The following WNT9A variants were observed in gnomAD, a reference collection of about 807,000 sequenced individuals.
WNT9A encodes protein Wnt-9a.
In WNT9A, 8 loss-of-function variants were observed where a neutral mutation model predicts 31.4. That is an observed-to-expected ratio of 0.26 (90% CI 0.15 to 0.46). WNT9A has a LOEUF of 0.46. Ranked by LOEUF, WNT9A falls within the 20% of genes least tolerant of loss-of-function variation. The probability of loss-of-function intolerance (pLI) is 0.99; values close to 1 mark genes in which losing one functional copy is unlikely to be tolerated. For synonymous variants in WNT9A, 236 were observed against 220.1 expected, an observed-to-expected ratio of 1.07 and a Z score of -0.64; for missense variants, 457 against 522.9, an observed-to-expected ratio of 0.87 and a Z score of 1.23.
At chr1:227,924,877 C>T (rs1303168918) in intron 2 of WNT9A, among the ~76,000 whole-genome samples, 1 of 152,130 alleles carries the variant, frequency 6.6e-6, no homozygotes, top group Non-Finnish European at 1.5e-5. Flanking sequence ...GGGAGGGTGG[C>T]TGAAATAAGG....
At chr1:227,927,623 G>A (rs1666440958) in intron 1 of WNT9A, among the ~76,000 whole-genome samples, 1 of 152,148 alleles carries the variant, frequency 6.6e-6, no homozygotes, top group Non-Finnish European at 1.5e-5. Context: ...GCAGGCGGGG[G>A]AGTAAGGCCA....
intron 1 of WNT9A, among the ~76,000 whole-genome samples, chr1:227,945,252 C>T (rs1368826724): frequency 3.7e-4 from 57 of 152,232 alleles, no homozygotes; most frequent in Non-Finnish European, 1.5e-5. Flanking sequence ...CTCGGGCTGG[C>T]CTCCCTGCTT....
Position 227,921,672 on chromosome 1 carries a change from C to A in WNT9A, c.944G>T (p.Arg315Leu), listed in dbSNP as rs147478091. 4 of 1,613,284 alleles carry A rather than the reference C, an allele frequency of 2.5e-6. No individual in the cohort carries two copies. Among genetic ancestry groups the A allele is most frequent in the Non-Finnish European group, 3.4e-6 (4 of 1,179,986 alleles). Residue 315 changes from arginine to leucine, a missense_variant, in exon 4 of 4, where the codon CGT becomes CTT. By Grantham distance (102) the Arg-to-Leu change is moderately radical (BLOSUM62 -2). Transcript: ENST00000272164. ...SPGTAGRRCH[R>L]EKNCESICCG... ...GCAGATGCTCTCGCAGTTCTTCTCA[C>A]GGTGGCACCTACGGCCAGCGGTGCC... is the stretch of plus-strand genomic sequence containing the variant.
At chr1:227,935,852 C>A (rs1459453739) in intron 1 of WNT9A, among the ~76,000 whole-genome samples, 1 of 152,200 alleles carries the variant, frequency 6.6e-6, no homozygotes, top group African/African-American at 2.4e-5. Context: ...CTGTGACCTA[C>A]CTAAGCCTGA....
chr1:227,937,258 G>T (rs1449970531), intron 1 of WNT9A, among the ~76,000 whole-genome samples: 1 of 152,210 alleles, frequency 6.6e-6, no homozygotes, highest in Non-Finnish European at 1.5e-5. Context: ...ACTCAGCACC[G>T]CTGCTCCGCT....
At chr1:227,941,174 G>A (rs998919343) in intron 1 of WNT9A, among the ~76,000 whole-genome samples, 4 of 152,192 alleles carry the variant, frequency 2.6e-5, no homozygotes, top group African/African-American at 7.2e-5. Flanking sequence ...TGTAGGACCC[G>A]GGGCTGGGCT....
chr1:227,937,564 A>G (rs1450389699), intron 1 of WNT9A, among the ~76,000 whole-genome samples: 2 of 152,252 alleles, frequency 1.3e-5, no homozygotes, highest in Non-Finnish European at 2.9e-5. Flanking sequence ...GGCTGTCCTT[A>G]TAAGAAAAAG....
In WNT9A at chr1:227,921,288, C is replaced by T; in HGVS notation, c.*230G>A. The T allele has an allele frequency of 9.5e-6, 6 of 628,840 alleles. No homozygotes were observed. In the South Asian group the frequency reaches 1.3e-4, roughly 14 times the overall value. The allele number at this position is 628,840 out of a possible 1,614,324, so 39.0% of individuals were successfully genotyped here. ...AGGCCCATTCATGCTCTGTGCAATGCCTGCACCCCATGCAGCTAGGACTGA... is the reference window on the plus strand; with the variant it reads ...AGGCCCATTCATGCTCTGTGCAATGTCTGCACCCCATGCAGCTAGGACTGA... On this transcript the variant is annotated 3_prime_UTR_variant, in exon 4 of 4. Coordinates refer to ENST00000272164, the MANE Select transcript of WNT9A (RefSeq NM_003395.4).
Position 227,926,416 on chromosome 1 carries a change from C to T in WNT9A, c.96-897G>A, listed in dbSNP as rs1003588649. ...CTGCTGGGCTCACTTCACAAGGCTT[C>T]CCTCACACCCCGCCCTGGCCCAGCC... On this transcript the variant is annotated intron_variant, in intron 1 of 3. Coordinates refer to ENST00000272164, the MANE Select transcript of WNT9A (RefSeq NM_003395.4). The surrounding 1 kb of genome is among the most constrained non-coding windows in gnomAD (Gnocchi z 5.0). Among the ~76,000 whole-genome samples, 3 of 152,058 alleles carry T rather than the reference C, an allele frequency of 2.0e-5. No individual in the cohort carries two copies. The highest frequency in any genetic ancestry group is 4.4e-5 in the Non-Finnish European group (3 of 68,008).
At chr1:227,938,261 A>C (rs1347395302) in intron 1 of WNT9A, among the ~76,000 whole-genome samples, 1 of 150,854 alleles carries the variant, frequency 6.6e-6, no homozygotes, top group African/African-American at 2.4e-5. Flanking sequence ...GTACACACAC[A>C]CCCCCATACA....
In WNT9A at chr1:227,925,433, C is replaced by A; in HGVS notation, c.182G>T (p.Arg61Leu). The change falls in exon 2 of 4, where the codon CGG (arginine) becomes CTG (leucine). Residue 61 changes from arginine (R) to leucine (L), a missense_variant. Physicochemically the swap from Arg to Leu is moderately radical, Grantham distance 102. Transcript: ENST00000272164. The surrounding 1 kb of genome is among the most constrained non-coding windows in gnomAD (Gnocchi z 6.0). ...AAQAHYKACD[R>L]LKLERKQRRM... ...CCGCTGCTTCCGCTCCAGCTTCAGC[C>A]GGTCGCAGGCCTTGTAGTGCGCCTG... 1 of 1,597,380 alleles carries A rather than the reference C, an allele frequency of 6.3e-7. No homozygotes were observed. Among genetic ancestry groups the A allele is most frequent in the African/African-American group, 1.3e-5 (1 of 74,564 alleles).
At chr1:227,939,046 G>A (rs1325175423) in intron 1 of WNT9A, among the ~76,000 whole-genome samples, 1 of 152,200 alleles carries the variant, frequency 6.6e-6, no homozygotes, top group East Asian at 1.9e-4. Context: ...TACCTCTCAA[G>A]CCCCAGCCAC....
chr1:227,942,070 AC>A lies in WNT9A; in HGVS notation c.95+5722del, dbSNP rs980264640. 6.6e-6 allele frequency among the ~76,000 whole-genome samples: 1 copy of A among 151,790 alleles called. No individual in the cohort carries two copies. The highest frequency in any genetic ancestry group is 1.5e-5 in the Non-Finnish European group (1 of 67,918). ...TGATGGCCAAACCCCAGAGCAGGGC[AC>A]CCCCAGCCCGGGCCACCCCAGCAGC... On this transcript the variant is annotated intron_variant, in intron 1 of 3. Transcript: ENST00000272164. This position sits in a 1 kb window ranked among gnomAD's most constrained non-coding sequence, Gnocchi z 5.7.
intron 3 of WNT9A, among the ~76,000 whole-genome samples, chr1:227,923,496 A>T (rs1166970219): frequency 6.6e-6 from 1 of 152,102 alleles, no homozygotes; most frequent in Non-Finnish European, 1.5e-5. Flanking sequence ...AGCCAGGGTC[A>T]CCCCGGGTCA....
chr1:227,925,666 A>C lies in WNT9A; in HGVS notation c.96-147T>G, dbSNP rs1666410123. 4.6e-6 allele frequency: 6 copies of C among 1,314,626 alleles called. No individual in the cohort carries two copies. In the East Asian group the frequency reaches 7.8e-5, roughly 17 times the overall value. 81.4% of individuals were successfully genotyped at this position (1,314,626 alleles called of 1,614,324 possible). A position where few individuals can be genotyped will look rare whatever the true frequency, so the allele number is the denominator to read the frequency against. ...GAATCCAGGATGAGCCAGGCAGGGG[A>C]GAGGGAGGCGAGAAGGGCCTTGGCC... On this transcript the variant is annotated intron_variant, in intron 1 of 3. Coordinates refer to ENST00000272164, the MANE Select transcript of WNT9A (RefSeq NM_003395.4). The surrounding 1 kb of genome is among the most constrained non-coding windows in gnomAD (Gnocchi z 6.0).
In WNT9A at chr1:227,940,400, G is replaced by C. The variant is rs573606807; in HGVS notation, c.95+7393C>G. 5.3e-5 allele frequency among the ~76,000 whole-genome samples: 8 copies of C among 152,310 alleles called. No homozygotes were observed. In the South Asian group the frequency reaches 1.4e-3, roughly 28 times the overall value. On this transcript the variant is annotated intron_variant, in intron 1 of 3. Coordinates refer to ENST00000272164, the MANE Select transcript of WNT9A (RefSeq NM_003395.4). The stretch of plus-strand genomic sequence containing the variant: ...CAGACAGCCGCAGACCCACACAACT[G>C]GTCAGCAGGACAGGGAGAGCCACGC...
intron 2 of WNT9A, 123 bp from the exon 3 acceptor site, chr1:227,924,523 G>C (rs998118123): frequency 7.2e-6 from 10 of 1,386,798 alleles, no homozygotes; most frequent in African/African-American, 2.9e-5. Context: ...CTTTCCTGGT[G>C]CTGCACTCGG....
chr1:227,946,218 A>T (rs1382645461), intron 1 of WNT9A, among the ~76,000 whole-genome samples: 1 of 152,236 alleles, frequency 6.6e-6, no homozygotes, highest in Non-Finnish European at 1.5e-5. Context: ...AAAGCAGCAG[A>T]GCCCCTTGAC....
intron 3 of WNT9A, among the ~76,000 whole-genome samples, chr1:227,923,501 G>A (rs560889436): frequency 7.2e-5 from 11 of 152,294 alleles, no homozygotes; most frequent in African/African-American, 1.9e-4. Flanking sequence ...GGGTCACCCC[G>A]GGTCAGCCAC....
Sources: gnomAD v4.1 joint callset for allele counts (sites outside exome capture counted in the v4.1 genomes callset) on GRCh38, gnomAD v4.1.1 for gene constraint, Gnocchi (gnomAD v3.1) non-coding constraint, MANE v1.5 for transcripts, NCBI Gene and HGNC (gene_info 2026-07-23, HGNC 2026-07-21) for gene names.